Variants in KLHL22 observed in about 807,000 individuals in gnomAD.
KLHL22 encodes kelch like family member 22, also known as kelch-like protein 22.
Under a neutral mutation model 60.7 loss-of-function variants are expected in KLHL22, and 18 were observed. That is an observed-to-expected ratio of 0.30 (90% CI 0.20 to 0.44). The LOEUF is 0.44. Ranked by LOEUF, KLHL22 falls within the 20% of genes least tolerant of loss-of-function variation. KLHL22 has a pLI of 1.00. For synonymous variants in KLHL22, 355 were observed against 354.5 expected (o/e 1.00, Z -0.01); for missense variants, 596 against 852.3 (o/e 0.70, Z 3.74).
Position 20,489,019 on chromosome 22 carries a change from G to T in KLHL22, c.193C>A (p.Arg65Ser). ...TCGCAGGACGCAGCCAGCAGGATGC[G>T]ATGGGCCTCGATGTGTCTGCCCTCC... ...VVEGRHIEAH[R>S]ILLAASCDYF... Residue 65 changes from arginine (R) to serine (S), a missense_variant, in exon 2 of 7, where the codon CGC (arginine) becomes AGC (serine). Physicochemically the swap from Arg to Ser is moderately radical, Grantham distance 110. Coordinates refer to ENST00000328879, the MANE Select transcript of KLHL22 (RefSeq NM_032775.4). 1 of 1,613,974 alleles carries T rather than the reference G, an allele frequency of 6.2e-7. No individual in the cohort carries two copies. The highest frequency in any genetic ancestry group is 8.5e-7 in the Non-Finnish European group (1 of 1,180,042).
intron 3 of KLHL22, among the ~76,000 whole-genome samples, chr22:20,470,755 C>CATGGATGGATGCATGCATGG (rs1214587823): frequency 8.2e-6 from 1 of 121,826 alleles, no homozygotes; most frequent in African/African-American, 3.2e-5. Flanking sequence ...TGCCTGCCAC[C>CATGGATGGATGCATGCATGG]ATGGATGGAT....
At chr22:20,469,352 G>A (rs1046175444) in intron 3 of KLHL22, among the ~76,000 whole-genome samples, 4 of 152,088 alleles carry the variant, frequency 2.6e-5, no homozygotes, top group Admixed American at 1.3e-4. Flanking sequence ...ATGGTCACAG[G>A]ACACACAGAG....
intron 5 of KLHL22, among the ~76,000 whole-genome samples, chr22:20,447,591 G>T (rs547786218): frequency 6.9e-6 from 1 of 144,786 alleles, no homozygotes; most frequent in Non-Finnish European, 1.5e-5. Flanking sequence ...TCACCAGGCC[G>T]GAGTGCAGTG....
chr22:20,449,378 A>G (rs2052937009), intron 5 of KLHL22, among the ~76,000 whole-genome samples: 1 of 144,782 alleles, frequency 6.9e-6, no homozygotes, highest in Non-Finnish European at 1.5e-5. Context: ...CCTCTTTTTA[A>G]TGGGGTTATT....
chr22:20,451,587 T>C, intron 5 of KLHL22: 1 of 1,596,534 alleles, frequency 6.3e-7, no homozygotes, highest in Admixed American at 1.7e-5. Context: ...TTTCTTCCGT[T>C]GAAGCATACA....
rs1049666638 is a variant in KLHL22 at position 20,488,884 on chromosome 22, G to A, written c.227+101C>T. 4 of 1,113,592 alleles carry A rather than the reference G, an allele frequency of 3.6e-6. No homozygotes were observed. In the Admixed American group the frequency reaches 6.2e-5, roughly 17 times the overall value. The allele number at this position is 1,113,592 out of a possible 1,614,324, so 69.0% of individuals were successfully genotyped here. On this transcript the variant is annotated intron_variant, in intron 2 of 6. Coordinates refer to ENST00000328879, the MANE Select transcript of KLHL22 (RefSeq NM_032775.4). ...AGCCACAAGGAGTAGGGGAGGCTCT[G>A]AGGTGAGCAGGAGACCAGCCACTGT...
chr22:20,481,751 G>A (rs2053505789), intron 2 of KLHL22, among the ~76,000 whole-genome samples: 1 of 151,954 alleles, frequency 6.6e-6, no homozygotes, highest in Non-Finnish European at 1.5e-5. Flanking sequence ...CTACAGGTGT[G>A]TGCCACTGTG....
chr22:20,443,861 G>A (rs1293538834), intron 6 of KLHL22, among the ~76,000 whole-genome samples: 3 of 151,918 alleles, frequency 2.0e-5, no homozygotes, highest in Non-Finnish European at 2.9e-5. Flanking sequence ...CAGCCTGGCC[G>A]ACATGGCAAA....
intron 2 of KLHL22, among the ~76,000 whole-genome samples, chr22:20,479,259 AT>A (rs1444540657): frequency 6.6e-6 from 1 of 151,848 alleles, no homozygotes; most frequent in Non-Finnish European, 1.5e-5. Flanking sequence ...TTTTAAAAAA[AT>A]ATATTAAAAA....
intron 6 of KLHL22, among the ~76,000 whole-genome samples, chr22:20,443,055 G>A (rs2052789977): frequency 6.6e-6 from 1 of 152,188 alleles, no homozygotes. Flanking sequence ...CAAAACATCA[G>A]AGACAAATTT....
intron 5 of KLHL22, among the ~76,000 whole-genome samples, chr22:20,448,305 A>G (rs1463411424): frequency 6.6e-6 from 1 of 152,234 alleles, no homozygotes; most frequent in Non-Finnish European, 1.5e-5. Flanking sequence ...ACTTTTGGAT[A>G]AGAAATGCTG....
intron 2 of KLHL22, chr22:20,482,769 T>C (rs2053525428): frequency 1.1e-6 from 1 of 924,256 alleles, no homozygotes; most frequent in Admixed American, 2.0e-5. Context: ...CCTCTGAACT[T>C]TTTATTGGCC....
At chr22:20,442,954 A>G (rs1162760415) in intron 6 of KLHL22, among the ~76,000 whole-genome samples, 1 of 152,246 alleles carries the variant, frequency 6.6e-6, no homozygotes, top group Non-Finnish European at 1.5e-5. Context: ...AGTAGTCAAC[A>G]TCAATATTCT....
intron 1 of KLHL22, chr22:20,493,027 T>C: frequency 2.6e-6 from 1 of 386,514 alleles, no homozygotes; most frequent in South Asian, 1.9e-5. Flanking sequence ...TTGTCTCATA[T>C]ACCCACGCCT....
Position 20,465,909 on chromosome 22 carries a change from G to A in KLHL22, c.394-333C>T, listed in dbSNP as rs550728881. Among the ~76,000 whole-genome samples the A allele has an allele frequency of 6.6e-5, 10 of 151,678 alleles. No individual in the cohort carries two copies. Among genetic ancestry groups the A allele is most frequent in the African/African-American group, 1.9e-4 (8 of 41,278 alleles). ...CGGCTCACTAACACCTCCCCCTCCC[G>A]GGTTGAAATGATTCTCCTGCCTCAG... On this transcript the variant is annotated intron_variant, in intron 3 of 6. Coordinates refer to ENST00000328879, the MANE Select transcript of KLHL22 (RefSeq NM_032775.4). This position sits in a 1 kb window ranked among gnomAD's most constrained non-coding sequence, Gnocchi z 4.9.
intron 3 of KLHL22, among the ~76,000 whole-genome samples, chr22:20,469,523 A>G (rs1220822207): frequency 1.3e-5 from 2 of 152,188 alleles, no homozygotes; most frequent in Non-Finnish European, 2.9e-5. Flanking sequence ...CAAAGCAACA[A>G]TGACAGGGAT....
At chr22:20,487,199 C>T (rs983196851) in intron 2 of KLHL22, among the ~76,000 whole-genome samples, 3 of 151,500 alleles carry the variant, frequency 2.0e-5, no homozygotes, top group Admixed American at 6.6e-5. Context: ...GGATTACAGG[C>T]GTGAGCCACT....
intron 5 of KLHL22, chr22:20,451,382 T>A: frequency 1.2e-6 from 2 of 1,611,724 alleles, no homozygotes; most frequent in Non-Finnish European, 1.7e-6. Flanking sequence ...GCCGGACTCG[T>A]AGTGGCCAGT....
At chr22:20,470,363 A>T (rs1276104603) in intron 3 of KLHL22, among the ~76,000 whole-genome samples, 1 of 151,064 alleles carries the variant, frequency 6.6e-6, no homozygotes, top group Non-Finnish European at 1.5e-5. Flanking sequence ...AAAAAAAAAA[A>T]AATAGGCCAG....
Sources: gnomAD v4.1 joint callset for allele counts (sites outside exome capture counted in the v4.1 genomes callset) on GRCh38, gnomAD v4.1.1 for gene constraint, Gnocchi (gnomAD v3.1) non-coding constraint, MANE v1.5 for transcripts, NCBI Gene and HGNC (gene_info 2026-07-23, HGNC 2026-07-21) for gene names.